ELF2: variants seen among roughly 807,000 people sequenced by gnomAD.
ELF2 encodes the protein ETS-related transcription factor Elf-2.
ELF2 carries 11 observed loss-of-function variants against 54.8 expected under a neutral mutation model. The observed-to-expected ratio is 0.20, with a 90% CI of 0.13 to 0.33. The LOEUF (loss-of-function observed/expected upper bound fraction) is 0.33. ELF2 is among the 10% of genes least tolerant of loss of function. The pLI is 1.00. For synonymous variants in ELF2, 203 were observed against 245.1 expected (o/e 0.83, Z 1.61); for missense variants, 513 against 703.0 (o/e 0.73, Z 3.06).
chr4:139,145,287 G>A (rs1739114852), intron 1 of ELF2, among the ~76,000 whole-genome samples: 1 of 152,206 alleles, frequency 6.6e-6, no homozygotes, highest in Admixed American at 6.5e-5. Context: ...ATCTCACAAC[G>A]TATGTCATTC....
chr4:139,108,775 A>AG (rs890569203), intron 4 of ELF2, among the ~76,000 whole-genome samples: 4 of 152,122 alleles, frequency 2.6e-5, no homozygotes, highest in African/African-American at 9.7e-5. Flanking sequence ...GTCCGTGGGT[A>AG]GAAAAAAAAA....
upstream of ELF2, among the ~76,000 whole-genome samples, chr4:139,177,527 T>G (rs1272989722): frequency 2.0e-5 from 3 of 151,490 alleles, no homozygotes; most frequent in South Asian, 4.2e-4. Context: ...TCGCCCAACT[T>G]CTCCCAAACC....
chr4:139,142,782 C>A (rs903802551), intron 1 of ELF2, among the ~76,000 whole-genome samples: 4 of 151,514 alleles, frequency 2.6e-5, no homozygotes. Context: ...CCCAGCTACT[C>A]GGGACGCTGG....
intron 4 of ELF2, chr4:139,084,284 C>G (rs1731657058): frequency 2.2e-5 from 35 of 1,601,320 alleles, no homozygotes; most frequent in Non-Finnish European, 2.8e-5. Flanking sequence ...CGGAGACACA[C>G]GCCGTGCGAC....
At chr4:139,102,568 T>A (rs953182418) in intron 4 of ELF2, among the ~76,000 whole-genome samples, 9 of 147,858 alleles carry the variant, frequency 6.1e-5, no homozygotes, top group Non-Finnish European at 1.3e-4. Context: ...CGGCCGGGCA[T>A]GCTGGCTCAC....
chr4:139,118,964 C>G (rs1736038712), intron 4 of ELF2, among the ~76,000 whole-genome samples: 1 of 151,990 alleles, frequency 6.6e-6, no homozygotes, highest in African/African-American at 2.4e-5. Flanking sequence ...AAAATCAGAA[C>G]TAACTAACCC....
chr4:139,168,962 G>A (rs1227696386), intron 1 of ELF2, among the ~76,000 whole-genome samples: 1 of 152,148 alleles, frequency 6.6e-6, no homozygotes, highest in Non-Finnish European at 1.5e-5. Flanking sequence ...ATGGAGCCAG[G>A]GAAGGCCATG....
intron 1 of ELF2, among the ~76,000 whole-genome samples, chr4:139,152,087 G>A (rs1391077556): frequency 6.6e-6 from 1 of 152,168 alleles, no homozygotes; most frequent in Non-Finnish European, 1.5e-5. Context: ...AATCTCAAAA[G>A]GGTACAAGGA....
intron 4 of ELF2, among the ~76,000 whole-genome samples, chr4:139,097,680 G>A (rs923073264): frequency 6.6e-6 from 1 of 150,430 alleles, no homozygotes; most frequent in Admixed American, 6.6e-5. Flanking sequence ...TTAGCTATAA[G>A]TATTTTAACA....
At chr4:139,084,438 G>GGGCGGCAGGGGCAGGGGC (rs763859653) in intron 4 of ELF2, 92 of 1,118,246 alleles carry the variant, frequency 8.2e-5, no homozygotes, top group Admixed American at 9.9e-5. Flanking sequence ...GCAGGGGCAG[G>GGGCGGCAGGGGCAGGGGC]GGCGGCGGCG....
At chr4:139,140,339 T>C (rs1471131481) in intron 1 of ELF2, among the ~76,000 whole-genome samples, 1 of 152,234 alleles carries the variant, frequency 6.6e-6, no homozygotes, top group African/African-American at 2.4e-5. Context: ...ATGTATTGAC[T>C]TAAGCACTTG....
chr4:139,078,018 A>G (rs1730565158), intron 4 of ELF2, among the ~76,000 whole-genome samples: 1 of 152,188 alleles, frequency 6.6e-6, no homozygotes, highest in Non-Finnish European at 1.5e-5. Flanking sequence ...ACCAAAAATA[A>G]TATTTGCTTG....
intron 4 of ELF2, among the ~76,000 whole-genome samples, chr4:139,094,073 T>C (rs1039800803): frequency 1.3e-5 from 2 of 152,136 alleles, no homozygotes; most frequent in Non-Finnish European, 2.9e-5. Flanking sequence ...TAATTTTTTG[T>C]ATTTTTAGTA....
At chr4:139,079,559 AT>A (rs1730809387) in intron 4 of ELF2, among the ~76,000 whole-genome samples, 1 of 152,246 alleles carries the variant, frequency 6.6e-6, no homozygotes, top group Non-Finnish European at 1.5e-5. Context: ...ACCAAATTCT[AT>A]CCCCATGCTT....
chr4:139,098,416 C>T (rs1338763457), intron 4 of ELF2, among the ~76,000 whole-genome samples: 1 of 151,786 alleles, frequency 6.6e-6, no homozygotes, highest in African/African-American at 2.4e-5. Flanking sequence ...TTTATTATAC[C>T]AGCTCCCTTT....
intron 1 of ELF2, among the ~76,000 whole-genome samples, chr4:139,165,969 T>C (rs1481535212): frequency 6.6e-6 from 1 of 152,218 alleles, no homozygotes; most frequent in Non-Finnish European, 1.5e-5. Context: ...CTTTGTCAAT[T>C]GCTGATTATA....
At chr4:139,135,443 C>G (rs562126121) in intron 3 of ELF2, among the ~76,000 whole-genome samples, 551 of 151,858 alleles carry the variant, frequency 3.6e-3, no homozygotes, top group Non-Finnish European at 6.5e-3. Flanking sequence ...TTATATTGCC[C>G]CACCCCTCAC....
rs141114187 is a variant in ELF2, at chr4:139,075,026, T to C, written c.239-1459A>G. Among the ~76,000 whole-genome samples the C allele has an allele frequency of 4.6e-5, 7 of 152,324 alleles. No individual in the cohort carries two copies. The East Asian group carries it at 7.7e-4, about 17-fold the overall frequency. The stretch of plus-strand genomic sequence containing the variant: ...TTACTGCCAGAGTACTTGAGAACTT[T>C]CTTTATAATTAACCTCGCTCTCTTC... On this transcript the variant is annotated intron_variant, in intron 4 of 9. Coordinates refer to ENST00000686138, the MANE Select transcript of ELF2 (RefSeq NM_001331036.3).
At chr4:139,117,313 C>T (rs187884055) in intron 4 of ELF2, among the ~76,000 whole-genome samples, 53 of 152,180 alleles carry the variant, frequency 3.5e-4, no homozygotes, top group Non-Finnish European at 6.5e-4. Context: ...TTTTAAAAAG[C>T]AACAATCATT....
Sources: allele counts gnomAD v4.1 joint callset (sites outside exome capture counted in the v4.1 genomes callset), GRCh38; gene constraint gnomAD v4.1.1; transcripts MANE v1.5; gene names NCBI Gene and HGNC (gene_info 2026-07-23, HGNC 2026-07-21).